The following FHIP2A variants were observed in gnomAD, a reference collection of about 807,000 sequenced individuals.
FHIP2A encodes the protein FHF complex subunit HOOK interacting protein 2A.
In FHIP2A, 46 loss-of-function variants were observed where a neutral mutation model predicts 93.5. That is an observed-to-expected ratio of 0.49 (90% confidence interval 0.39 to 0.63). FHIP2A has a LOEUF of 0.63. Among genes scored for constraint, FHIP2A ranks in the 20% least tolerant of loss-of-function variants. The probability of loss-of-function intolerance (pLI) is 0.00; values close to 1 mark genes in which losing one functional copy is unlikely to be tolerated. For synonymous variants in FHIP2A, 332 were observed against 326.5 expected (o/e 1.02, Z -0.18); for missense variants, 769 against 909.7 (o/e 0.85, Z 1.99).
At chr10:114,888,971 T>A (rs920033399) in intron 16 of FHIP2A, among the ~76,000 whole-genome samples, 4 of 152,194 alleles carry the variant, frequency 2.6e-5, no homozygotes, top group Non-Finnish European at 5.9e-5. Flanking sequence ...TGTCATGTAA[T>A]CTTCCCTTTG....
rs770170800 is a variant in FHIP2A, at chr10:114,887,767, C to CCAGG, written c.2193-11721_2193-11718dup. 1.9e-3 allele frequency among the ~76,000 whole-genome samples: 294 copies of CCAGG among 152,300 alleles called. 1 individual carries two copies. The highest frequency in any genetic ancestry group is 6.3e-3 in the Admixed American group (97 of 15,302). ...GTGTTTACATATACAAGGCATTGTA[C>CCAGG]CAGGCTGTGAGAATGCCACACCTGC... On this transcript the variant is annotated intron_variant, in intron 16 of 16. Transcript: ENST00000369250.
rs1343522934 is a variant in FHIP2A at position 114,843,753 on chromosome 10, G to T, written c.829G>T (p.Ala277Ser). The T allele has an allele frequency of 1.3e-6, 2 of 1,547,430 alleles. No homozygotes were observed. Among genetic ancestry groups the T allele is most frequent in the Admixed American group, 4.5e-5 (2 of 44,658 alleles). Residue 277 changes from alanine (A) to serine (S), a missense_variant, in exon 7 of 17, where the codon GCT becomes TCT. Coordinates refer to ENST00000369248, the MANE Select transcript of FHIP2A (RefSeq NM_020940.4). ...NLTRSPDGRI[A>S]VKACEGLMLL... The stretch of plus-strand genomic sequence containing the variant: ...TTTTTTCCTTTAGGATGGCAGAATA[G>T]CTGTGAAGGCATGTGAAGGCTTGAT...
intron 16 of FHIP2A, among the ~76,000 whole-genome samples, chr10:114,895,329 C>G (rs1461505764): frequency 1.3e-5 from 2 of 152,192 alleles, no homozygotes; most frequent in African/African-American, 4.8e-5. Flanking sequence ...CCATAGAACC[C>G]TACCAATTCC....
At chr10:114,867,746 A>G (rs886228135), downstream of FHIP2A, among the ~76,000 whole-genome samples, 3 of 151,426 alleles carry the variant, frequency 2.0e-5, no homozygotes, top group Non-Finnish European at 4.4e-5. Flanking sequence ...TCATCCCACA[A>G]CTCCCCCCCA....
downstream of FHIP2A, among the ~76,000 whole-genome samples, chr10:114,868,594 A>G (rs538458442): frequency 1.4e-4 from 22 of 152,278 alleles, no homozygotes; most frequent in African/African-American, 5.3e-4. Flanking sequence ...ATTAGGTAAT[A>G]CTTTAGACTT....
At chr10:114,889,044 C>T (rs902419522) in intron 16 of FHIP2A, among the ~76,000 whole-genome samples, 8 of 151,816 alleles carry the variant, frequency 5.3e-5, no homozygotes, top group African/African-American at 7.3e-5. Context: ...AGTTGGGTTT[C>T]GGAGTAGCCA....
At chr10:114,835,158 G>T (rs1306749588) in intron 3 of FHIP2A, among the ~76,000 whole-genome samples, 1 of 152,166 alleles carries the variant, frequency 6.6e-6, no homozygotes, top group Non-Finnish European at 1.5e-5. Context: ...TAAGTAACAA[G>T]ATTTTGCCTT....
At chr10:114,855,793 A>G (rs1184411837) in intron 14 of FHIP2A, among the ~76,000 whole-genome samples, 5 of 152,198 alleles carry the variant, frequency 3.3e-5, no homozygotes, top group Non-Finnish European at 5.9e-5. Flanking sequence ...CTTGTAAACG[A>G]TACTCATTTT....
intron 16 of FHIP2A, among the ~76,000 whole-genome samples, chr10:114,874,724 G>C (rs577572637): frequency 5.4e-4 from 82 of 152,140 alleles, no homozygotes; most frequent in Non-Finnish European, 8.7e-4. Flanking sequence ...GGCTGGTCTC[G>C]AACTCCTGAC....
At chr10:114,830,704 G>T in intron 1 of FHIP2A, 148 bp from the exon 2 acceptor site, 1 of 452,418 alleles carries the variant, frequency 2.2e-6, no homozygotes, top group Non-Finnish European at 4.0e-6. Flanking sequence ...GACTTATTTT[G>T]TTTCTCTTTA....
At chr10:114,849,518 CTT>C (rs2083722079) in intron 13 of FHIP2A, among the ~76,000 whole-genome samples, 1 of 152,176 alleles carries the variant, frequency 6.6e-6, no homozygotes. Flanking sequence ...ATTAAGGAGA[CTT>C]TTCTCATTCT....
chr10:114,867,518 CA>C (rs2083835479), downstream of FHIP2A, among the ~76,000 whole-genome samples: 1 of 152,174 alleles, frequency 6.6e-6, no homozygotes, highest in Non-Finnish European at 1.5e-5. Context: ...AGATTTGGTT[CA>C]GCTAAAGCAT....
intron 5 of FHIP2A, among the ~76,000 whole-genome samples, chr10:114,840,615 A>T (rs776886822): frequency 2.0e-5 from 3 of 152,244 alleles, no homozygotes; most frequent in Non-Finnish European, 4.4e-5. Context: ...AGTTGGAAGC[A>T]GTGGGTTGGA....
intron 16 of FHIP2A, among the ~76,000 whole-genome samples, chr10:114,889,534 C>A (rs1027577394): frequency 1.3e-5 from 2 of 152,204 alleles, no homozygotes; most frequent in Admixed American, 6.5e-5. Flanking sequence ...TTGGTCAACA[C>A]CCTCTTCCAC....
intron 2 of FHIP2A, among the ~76,000 whole-genome samples, chr10:114,832,955 C>T (rs1016254925): frequency 4.6e-5 from 7 of 152,086 alleles, no homozygotes; most frequent in Non-Finnish European, 7.4e-5. Context: ...CTCAGGTGAT[C>T]CACCTGCCTC....
At chr10:114,831,547 A>G (rs2083608164) in intron 2 of FHIP2A, among the ~76,000 whole-genome samples, 1 of 152,242 alleles carries the variant, frequency 6.6e-6, no homozygotes. Context: ...GTTTGTGTAT[A>G]TAAAGGCTAC....
chr10:114,891,216 ACAAAT>A (rs944206534), intron 16 of FHIP2A, among the ~76,000 whole-genome samples: 12 of 111,784 alleles, frequency 1.1e-4, no homozygotes, highest in African/African-American at 4.0e-4. Flanking sequence ...AACAACAACA[ACAAAT>A]ATATATATAT....
intron 16 of FHIP2A, among the ~76,000 whole-genome samples, chr10:114,886,754 AG>A (rs1277023325): frequency 6.6e-6 from 1 of 151,948 alleles, no homozygotes; most frequent in African/African-American, 2.4e-5. Flanking sequence ...CATGTTGACC[AG>A]GCTGGTCTTG....
chr10:114,883,491 G>C (rs1318105835), intron 16 of FHIP2A, among the ~76,000 whole-genome samples: 1 of 152,106 alleles, frequency 6.6e-6, no homozygotes, highest in Non-Finnish European at 1.5e-5. Flanking sequence ...ACATTAAAAA[G>C]ATAAGGCATC....
Sources: gnomAD v4.1 joint callset for allele counts (sites outside exome capture counted in the v4.1 genomes callset) on GRCh38, gnomAD v4.1.1 for gene constraint, MANE v1.5 for transcripts, NCBI Gene and HGNC (gene_info 2026-07-23, HGNC 2026-07-21) for gene names.